The following SMCO2 variants were observed in gnomAD, a reference collection of about 807,000 sequenced individuals.
SMCO2 encodes the protein single-pass membrane protein with coiled-coil domains 2.
Under a neutral mutation model 29.5 loss-of-function variants are expected in SMCO2, and 25 were observed. The ratio of observed to expected loss-of-function variants is 0.85; its 90% confidence interval spans 0.62 to 1.18. The LOEUF (loss-of-function observed/expected upper bound fraction) is 1.18, where lower values mean the gene tolerates loss of function less well. SMCO2 is among the 50% of genes most tolerant of loss of function. The pLI is 0.00. For missense variants in SMCO2, 348 were observed against 344.5 expected (o/e 1.01, Z -0.08); for synonymous variants, 117 against 123.3 (o/e 0.95, Z 0.34).
At chr12:27,478,578 C>T (rs553185225) in intron 4 of SMCO2, among the ~76,000 whole-genome samples, 1 of 152,290 alleles carries the variant, frequency 6.6e-6, no homozygotes, top group East Asian at 1.9e-4. Flanking sequence ...AGTCCTCAGG[C>T]CCCTAAGAGT....
chr12:27,447,089 C>T, the SMCO2 span, among the ~76,000 whole-genome samples: 10 of 152,190 alleles, frequency 6.6e-5, no homozygotes, highest in South Asian at 2.1e-4. Context: ...AGCACAGATC[C>T]GATAAAGGAA....
intron 4 of SMCO2, among the ~76,000 whole-genome samples, chr12:27,482,716 G>A (rs1305940605): frequency 6.6e-6 from 1 of 152,140 alleles, no homozygotes; most frequent in Non-Finnish European, 1.5e-5. Flanking sequence ...CAAATTTTAT[G>A]TTACTTGACT....
intron 7 of SMCO2, chr12:27,498,136 T>G (rs1332255203): frequency 5.5e-6 from 2 of 361,384 alleles, no homozygotes; most frequent in East Asian, 7.0e-5. Flanking sequence ...AAACTGAACT[T>G]TCCCATAACC....
At chr12:27,473,812 A>G (rs1403392211) in intron 3 of SMCO2, among the ~76,000 whole-genome samples, 2 of 152,252 alleles carry the variant, frequency 1.3e-5, no homozygotes, top group Non-Finnish European at 2.9e-5. Flanking sequence ...CAGGAAATTC[A>G]GATCAAACTT....
upstream of SMCO2, among the ~76,000 whole-genome samples, chr12:27,463,526 C>T (rs1440157462): frequency 2.0e-5 from 3 of 152,110 alleles, no homozygotes; most frequent in Admixed American, 1.3e-4. Flanking sequence ...CTCAGCCTCC[C>T]GAAGTGCTGG....
At chr12:27,472,954 T>C (rs401739) in intron 3 of SMCO2, 79 bp downstream of exon 3, 795,695 of 1,023,294 alleles carry the variant, frequency 0.78, 310,322 homozygotes, top group Middle Eastern at 0.89. Context: ...CCGCATATCT[T>C]AAAGTGGTAA....
the SMCO2 span, among the ~76,000 whole-genome samples, chr12:27,456,460 A>AG: frequency 6.6e-6 from 1 of 152,044 alleles, no homozygotes; most frequent in Non-Finnish European, 1.5e-5. Context: ...TGGTCGGCAG[A>AG]GGGGGGAGGA....
At chr12:27,449,752 T>C in the SMCO2 span, among the ~76,000 whole-genome samples, 1 of 152,250 alleles carries the variant, frequency 6.6e-6, no homozygotes, top group Non-Finnish European at 1.5e-5. Context: ...ATTGGACTTC[T>C]ATTTCTCTGG....
At chr12:27,449,926 G>A in the SMCO2 span, among the ~76,000 whole-genome samples, 1 of 152,202 alleles carries the variant, frequency 6.6e-6, no homozygotes, top group East Asian at 1.9e-4. Context: ...ACTGTTGAAA[G>A]ACTCGAGCAG....
rs35818629 is a variant in SMCO2, at chr12:27,484,851, CAAAA to C, written c.363-3591_363-3588del. ...CTGGCGACAGAGTAAGACTCCATCT[CAAAA>C]AAAAAAAAAAAAAAAAATATATATA... On this transcript the variant is annotated intron_variant, in intron 4 of 7. Coordinates refer to ENST00000298876, the Ensembl canonical transcript of SMCO2. Among the ~76,000 whole-genome samples the C allele has an allele frequency of 7.5e-3, 545 of 72,874 alleles. 4 individuals carry two copies. The highest frequency in any genetic ancestry group is 0.036 in the Middle Eastern group (3 of 84). The allele number at this position is 72,874 out of a possible 152,430, so 47.8% of individuals were successfully genotyped here.
the SMCO2 span, among the ~76,000 whole-genome samples, chr12:27,433,671 C>A: frequency 6.6e-6 from 1 of 152,128 alleles, no homozygotes; most frequent in Non-Finnish European, 1.5e-5. Context: ...AACTAAGCCA[C>A]AAAAGGAATG....
chr12:27,488,472 C>T, exon 5 of SMCO2: 1 of 1,533,494 alleles, frequency 6.5e-7, no homozygotes, highest in Non-Finnish European at 8.8e-7. Flanking sequence ...TATTAAAAGA[C>T]ATGCTGACCC....
At chr12:27,483,874 TCTTA>T (rs1183587691) in intron 4 of SMCO2, among the ~76,000 whole-genome samples, 2 of 152,242 alleles carry the variant, frequency 1.3e-5, no homozygotes, top group Non-Finnish European at 2.9e-5. Flanking sequence ...TTGGCGTACA[TCTTA>T]CTTCTGTACT....
At chr12:27,461,546 G>A in the SMCO2 span, among the ~76,000 whole-genome samples, 150 of 152,118 alleles carry the variant, frequency 9.9e-4, 3 homozygotes, top group Non-Finnish European at 4.4e-4. Context: ...TTAGGGTAAC[G>A]TTTAAAATAT....
In SMCO2 at chr12:27,494,370, T is replaced by C; in HGVS notation, c.507+14T>C. On this transcript the variant is annotated intron_variant, in intron 6 of 7. Coordinates refer to ENST00000298876, the Ensembl canonical transcript of SMCO2. ...GAAAGGCTGGAGGTAAGATTTCAGT[T>C]ACACAATTCAAACAATGATAAAATC... The C allele has an allele frequency of 2.7e-6, 4 of 1,505,508 alleles. No homozygotes were observed. The highest frequency in any genetic ancestry group is 3.6e-6 in the Non-Finnish European group (4 of 1,122,962). 93.3% of individuals were successfully genotyped at this position (1,505,508 alleles called of 1,614,324 possible).
At chr12:27,468,994 GC>G (rs1949520192) in intron 1 of SMCO2, among the ~76,000 whole-genome samples, 1 of 152,198 alleles carries the variant, frequency 6.6e-6, no homozygotes, top group African/African-American at 2.4e-5. Flanking sequence ...TTGGGTAGGT[GC>G]CTAAATTGAC....
At chr12:27,475,482 C>T (rs1014387845) in intron 4 of SMCO2, 100 bp from the exon 5 acceptor site, 1 of 1,341,338 alleles carries the variant, frequency 7.5e-7, no homozygotes, top group Non-Finnish European at 9.8e-7. Flanking sequence ...ACAAGGAAGA[C>T]TAAACAGATC....
At chr12:27,479,446 G>A (rs1188816389) in intron 4 of SMCO2, among the ~76,000 whole-genome samples, 2 of 152,208 alleles carry the variant, frequency 1.3e-5, no homozygotes, top group South Asian at 2.1e-4. Context: ...AGGCTCCAGG[G>A]TTGCTGTCTG....
At chr12:27,455,368 A>G in the SMCO2 span, among the ~76,000 whole-genome samples, 1 of 152,248 alleles carries the variant, frequency 6.6e-6, no homozygotes. Flanking sequence ...ATATCTTTAT[A>G]GAGAGGTGTC....
Sources: gnomAD v4.1 joint callset for allele counts (sites outside exome capture counted in the v4.1 genomes callset) on GRCh38, gnomAD v4.1.1 for gene constraint, MANE v1.5 for transcripts, NCBI Gene and HGNC (gene_info 2026-07-23, HGNC 2026-07-21) for gene names.